Variants in CCDC171 observed in about 807,000 individuals in gnomAD.
The protein encoded by CCDC171 is coiled-coil domain-containing protein 171.
A neutral mutation model predicts 168.2 loss-of-function variants in CCDC171; 177 were observed. The ratio of observed to expected loss-of-function variants is 1.05; its 90% CI spans 0.93 to 1.19. CCDC171 has a LOEUF of 1.19. CCDC171 is among the 50% of genes most tolerant of loss of function. The pLI is 0.00. For synonymous variants in CCDC171, 687 were observed against 540.8 expected (o/e 1.27, Z -3.75); for missense variants, 1,991 against 1,539.0 (o/e 1.29, Z -4.91).
intron 3 of CCDC171, among the ~76,000 whole-genome samples, chr9:15,986,260 C>T (rs1284784510): frequency 7.2e-5 from 11 of 152,174 alleles, no homozygotes; most frequent in Admixed American, 1.3e-4. Flanking sequence ...TGATTAAACC[C>T]TTCTCTGCGA....
At chr9:15,704,040 A>G (rs1394854283) in intron 11 of CCDC171, among the ~76,000 whole-genome samples, 2 of 152,242 alleles carry the variant, frequency 1.3e-5, no homozygotes, top group African/African-American at 4.8e-5. Flanking sequence ...TGGAAACATG[A>G]TGCCAATAGA....
At chr9:16,088,762 A>T in the CCDC171 span, among the ~76,000 whole-genome samples, 1 of 152,240 alleles carries the variant, frequency 6.6e-6, no homozygotes, top group Non-Finnish European at 1.5e-5. Context: ...GGAAGAATCA[A>T]TATTGTAAAA....
At chr9:15,652,538 C>T (rs536189178) in intron 7 of CCDC171, among the ~76,000 whole-genome samples, 3 of 151,716 alleles carry the variant, frequency 2.0e-5, no homozygotes, top group African/African-American at 4.8e-5. Context: ...TCAAGCCATT[C>T]TCTCACCTTA....
intron 6 of CCDC171, among the ~76,000 whole-genome samples, chr9:16,032,325 G>A (rs11788695): frequency 0.37 from 56,005 of 151,620 alleles, 12,125 homozygotes; most frequent in East Asian, 0.62. Flanking sequence ...CACCTGAGGG[G>A]AAAAAAAGAC....
At chr9:15,800,507 T>A (rs1263448655) in intron 21 of CCDC171, among the ~76,000 whole-genome samples, 1 of 152,136 alleles carries the variant, frequency 6.6e-6, no homozygotes, top group East Asian at 1.9e-4. Context: ...ATATTCTAGT[T>A]ATTAATCCCT....
At chr9:15,666,934 A>G (rs901260267) in intron 9 of CCDC171, among the ~76,000 whole-genome samples, 4 of 152,198 alleles carry the variant, frequency 2.6e-5, no homozygotes, top group Non-Finnish European at 5.9e-5. Context: ...CTCACTTCAT[A>G]CCTAGCATTG....
chr9:15,919,642 T>C (rs2131979649), intron 24 of CCDC171, among the ~76,000 whole-genome samples: 1 of 151,770 alleles, frequency 6.6e-6, no homozygotes, highest in East Asian at 1.9e-4. Context: ...GATACAATAA[T>C]TCCCTAAATA....
intron 1 of CCDC171, among the ~76,000 whole-genome samples, chr9:16,047,081 G>C (rs1833673852): frequency 6.6e-6 from 1 of 152,128 alleles, no homozygotes; most frequent in African/African-American, 2.4e-5. Context: ...GTTTCCCTGG[G>C]TGACCTCTTA....
At chr9:15,760,085 A>T (rs1396184842) in intron 18 of CCDC171, among the ~76,000 whole-genome samples, 1 of 152,164 alleles carries the variant, frequency 6.6e-6, no homozygotes, top group African/African-American at 2.4e-5. Flanking sequence ...GATGTTTGTT[A>T]TGAGGCAGAA....
intron 21 of CCDC171, among the ~76,000 whole-genome samples, chr9:15,809,700 G>A (rs188143006): frequency 7.2e-5 from 11 of 152,304 alleles, no homozygotes; most frequent in Admixed American, 3.3e-4. Context: ...GCAGACCTTC[G>A]TGGTGAGTGT....
intron 16 of CCDC171, among the ~76,000 whole-genome samples, chr9:15,730,075 A>T (rs1379408757): frequency 6.6e-6 from 1 of 151,946 alleles, no homozygotes; most frequent in Non-Finnish European, 1.5e-5. Flanking sequence ...TGCGAAAATT[A>T]TATTTCCTTT....
At chr9:16,054,845 C>G (rs1180251394) in intron 1 of CCDC171, among the ~76,000 whole-genome samples, 1 of 152,150 alleles carries the variant, frequency 6.6e-6, no homozygotes, top group Non-Finnish European at 1.5e-5. Context: ...GGCACTAAGG[C>G]AATGAGCATT....
chr9:15,917,121 A>T (rs1483817877), intron 24 of CCDC171, among the ~76,000 whole-genome samples: 1 of 151,910 alleles, frequency 6.6e-6, no homozygotes, highest in Non-Finnish European at 1.5e-5. Context: ...TTTTGTATTA[A>T]GGAGTTGAAT....
At chr9:15,786,664 C>T (rs781325174) in intron 21 of CCDC171, among the ~76,000 whole-genome samples, 2 of 152,044 alleles carry the variant, frequency 1.3e-5, no homozygotes, top group South Asian at 2.1e-4. Context: ...CCTATAGGAG[C>T]CAAGAAGTCT....
intron 21 of CCDC171, among the ~76,000 whole-genome samples, chr9:15,801,104 G>C (rs965152429): frequency 6.6e-6 from 1 of 151,776 alleles, no homozygotes; most frequent in East Asian, 1.9e-4. Flanking sequence ...GGTCTTTTGT[G>C]GTTCCATGTA....
intron 16 of CCDC171, among the ~76,000 whole-genome samples, chr9:15,739,412 A>G (rs1301297400): frequency 2.6e-5 from 4 of 152,114 alleles, no homozygotes; most frequent in African/African-American, 9.7e-5. Flanking sequence ...TTGGTACCTG[A>G]GGGGAGAACC....
At chr9:15,810,429 C>T (rs530017709) in intron 21 of CCDC171, among the ~76,000 whole-genome samples, 49 of 113,964 alleles carry the variant, frequency 4.3e-4, no homozygotes, top group African/African-American at 9.7e-4. Flanking sequence ...TAAATGGGAC[C>T]GGGCGCTGTG....
intron 2 of CCDC171, among the ~76,000 whole-genome samples, chr9:15,564,579 T>G (rs887138891): frequency 6.6e-6 from 1 of 152,262 alleles, no homozygotes; most frequent in African/African-American, 2.4e-5. Flanking sequence ...TTGGTATCTC[T>G]CAGTTTACCC....
intron 21 of CCDC171, among the ~76,000 whole-genome samples, chr9:15,836,241 C>T (rs73420371): frequency 0.024 from 3,708 of 152,312 alleles, 161 homozygotes; most frequent in African/African-American, 0.086. Flanking sequence ...ATTTCTCACA[C>T]ATTATGCATA....
Sources: gnomAD v4.1 joint callset for allele counts (sites outside exome capture counted in the v4.1 genomes callset) on GRCh38, gnomAD v4.1.1 for gene constraint, MANE v1.5 for transcripts, NCBI Gene and HGNC (gene_info 2026-07-23, HGNC 2026-07-21) for gene names.